DPYD: variants seen among roughly 807,000 people sequenced by gnomAD.
DPYD encodes the protein dihydropyrimidine dehydrogenase.
Under a neutral mutation model 116.2 loss-of-function variants are expected in DPYD, and 109 were observed. That is an observed-to-expected ratio of 0.94 (90% CI 0.80 to 1.10). The LOEUF is 1.10. Among genes scored for constraint, DPYD ranks in the 50% least tolerant of loss-of-function variants. DPYD has a pLI of 0.00. For missense variants in DPYD, 1,302 were observed against 1,254.5 expected, an observed-to-expected ratio of 1.04 and a Z score of -0.57; for synonymous variants, 440 against 432.0, an observed-to-expected ratio of 1.02 and a Z score of -0.23.
At chr1:97,358,003 C>T (rs1261806960) in intron 16 of DPYD, among the ~76,000 whole-genome samples, 1 of 152,188 alleles carries the variant, frequency 6.6e-6, no homozygotes, top group Non-Finnish European at 1.5e-5. Context: ...GGGGTGTCAC[C>T]TCACCTGGGA....
At chr1:97,257,393 G>C (rs1663553387) in intron 18 of DPYD, among the ~76,000 whole-genome samples, 1 of 147,542 alleles carries the variant, frequency 6.8e-6, no homozygotes, top group African/African-American at 2.5e-5. Flanking sequence ...AGCATATTTT[G>C]ATATTTACTA....
intron 13 of DPYD, among the ~76,000 whole-genome samples, chr1:97,471,726 A>AT (rs1258758052): frequency 6.6e-6 from 1 of 151,750 alleles, no homozygotes; most frequent in African/African-American, 2.4e-5. Context: ...GGTAGCTGGG[A>AT]TTACAGGCGC....
At chr1:97,308,852 C>G (rs985620331) in intron 16 of DPYD, among the ~76,000 whole-genome samples, 18 of 151,774 alleles carry the variant, frequency 1.2e-4, no homozygotes, top group Non-Finnish European at 5.9e-5. Context: ...TACAAAAGTA[C>G]TCTTATCTCT....
At chr1:97,684,847 T>C (rs536004696) in intron 7 of DPYD, among the ~76,000 whole-genome samples, 2 of 152,274 alleles carry the variant, frequency 1.3e-5, no homozygotes, top group African/African-American at 4.8e-5. Flanking sequence ...ATTGAAGCAG[T>C]AATAAATAGC....
At chr1:97,151,504 G>A (rs1394599037) in intron 20 of DPYD, among the ~76,000 whole-genome samples, 13 of 152,014 alleles carry the variant, frequency 8.6e-5, no homozygotes, top group African/African-American at 2.9e-4. Context: ...TGAAATCCCC[G>A]TCTCTACTAA....
intron 12 of DPYD, among the ~76,000 whole-genome samples, chr1:97,544,523 T>C (rs945997325): frequency 3.3e-5 from 5 of 152,216 alleles, no homozygotes; most frequent in African/African-American, 1.2e-4. Flanking sequence ...TTCTTCATTA[T>C]AGCTAAAGGT....
chr1:97,675,707 A>G (rs1162609688), intron 8 of DPYD, among the ~76,000 whole-genome samples: 1 of 152,056 alleles, frequency 6.6e-6, no homozygotes, highest in African/African-American at 2.4e-5. Context: ...AACACATAAG[A>G]TTAATAACTA....
At chr1:97,366,878 C>A (rs957979485) in intron 16 of DPYD, among the ~76,000 whole-genome samples, 1 of 152,066 alleles carries the variant, frequency 6.6e-6, no homozygotes, top group Non-Finnish European at 1.5e-5. Flanking sequence ...TTTTCTCTAA[C>A]CTTTGGGATT....
intron 18 of DPYD, among the ~76,000 whole-genome samples, chr1:97,283,315 T>G (rs1665450528): frequency 1.3e-5 from 2 of 152,154 alleles, no homozygotes; most frequent in African/African-American, 4.8e-5. Context: ...TTCAGAGTTC[T>G]CTGTTCCATT....
intron 18 of DPYD, among the ~76,000 whole-genome samples, chr1:97,238,759 A>G (rs1662122365): frequency 6.6e-6 from 1 of 152,210 alleles, no homozygotes; most frequent in African/African-American, 2.4e-5. Flanking sequence ...TGCGGGCTCT[A>G]TCTTTAAGGA....
chr1:97,550,156 A>G (rs1415657389), intron 11 of DPYD, among the ~76,000 whole-genome samples: 2 of 152,204 alleles, frequency 1.3e-5, no homozygotes, highest in Non-Finnish European at 2.9e-5. Context: ...CACTTTTGAA[A>G]GTTACATCAT....
chr1:97,744,450 T>A (rs1034675975), intron 3 of DPYD, among the ~76,000 whole-genome samples: 1 of 146,090 alleles, frequency 6.8e-6, no homozygotes, highest in African/African-American at 2.4e-5. Context: ...AGATAAAAAA[T>A]AATAATAAAA....
At chr1:97,902,162 G>GT (rs1238861754) in intron 1 of DPYD, among the ~76,000 whole-genome samples, 1 of 151,664 alleles carries the variant, frequency 6.6e-6, no homozygotes, top group African/African-American at 2.4e-5. Flanking sequence ...TCCTTAGAGT[G>GT]TAAGAGCCAC....
At chr1:97,569,129 T>C (rs1238857253) in intron 11 of DPYD, among the ~76,000 whole-genome samples, 1 of 152,010 alleles carries the variant, frequency 6.6e-6, no homozygotes, top group African/African-American at 2.4e-5. Context: ...GGCAACCTTA[T>C]TGCCTTGGTT....
chr1:97,205,259 T>G (rs1294422691), intron 19 of DPYD, among the ~76,000 whole-genome samples: 1 of 151,944 alleles, frequency 6.6e-6, no homozygotes, highest in Non-Finnish European at 1.5e-5. Context: ...ATCATTAGAG[T>G]TTTATACAGA....
At chr1:97,117,945 C>T (rs553542343) in intron 20 of DPYD, among the ~76,000 whole-genome samples, 102 of 152,130 alleles carry the variant, frequency 6.7e-4, no homozygotes, top group Middle Eastern at 3.4e-3. Context: ...GAAATTACTC[C>T]TCTCTCTAGA....
At chr1:97,106,534 T>G (rs1397255649) in intron 20 of DPYD, among the ~76,000 whole-genome samples, 2 of 152,146 alleles carry the variant, frequency 1.3e-5, no homozygotes, top group Non-Finnish European at 2.9e-5. Context: ...CTTCGCATGC[T>G]CTTGGATATC....
chr1:97,632,455 T>G (rs1451202053), intron 8 of DPYD, among the ~76,000 whole-genome samples: 1 of 152,154 alleles, frequency 6.6e-6, no homozygotes, highest in Non-Finnish European at 1.5e-5. Context: ...TTAGTCATAC[T>G]ACTACTGATA....
At chr1:97,492,402 T>G (rs1679023744) in intron 13 of DPYD, among the ~76,000 whole-genome samples, 1 of 152,148 alleles carries the variant, frequency 6.6e-6, no homozygotes, top group Non-Finnish European at 1.5e-5. Context: ...AAAATGACTT[T>G]AAGGAAAATC....
Sources: gnomAD v4.1 joint callset for allele counts (sites outside exome capture counted in the v4.1 genomes callset) on GRCh38, gnomAD v4.1.1 for gene constraint, MANE v1.5 for transcripts, NCBI Gene and HGNC (gene_info 2026-07-23, HGNC 2026-07-21) for gene names.